Variants in AHDC1 observed in about 807,000 individuals in gnomAD.
The protein encoded by AHDC1 is AT-hook DNA binding motif containing 1.
In AHDC1, 7 loss-of-function variants were observed where a neutral mutation model predicts 87.9. That is an observed-to-expected ratio of 0.08 (90% CI 0.05 to 0.15). AHDC1 has a LOEUF of 0.15. Among genes scored for constraint, AHDC1 ranks in the 10% least tolerant of loss-of-function variants. AHDC1 has a pLI of 1.00. For synonymous variants in AHDC1, 1,051 were observed against 1,006.8 expected (o/e 1.04, Z -0.83); for missense variants, 1,841 against 2,253.2 (o/e 0.82, Z 3.70).
chr1:27,568,526 T>A (rs2020420587), intron 3 of AHDC1, among the ~76,000 whole-genome samples: 1 of 152,044 alleles, frequency 6.6e-6, no homozygotes, highest in African/African-American at 2.4e-5. Context: ...CCCTGCCTTT[T>A]CCTCCACCTC....
At position 27,551,542 on chromosome 1, in the gene AHDC1, G is replaced by A. The variant is rs139975681; in HGVS notation, c.574C>T (p.Arg192Trp). 62 of 1,605,088 alleles carry A rather than the reference G, an allele frequency of 3.9e-5. No homozygotes were observed. The highest frequency in any genetic ancestry group is 6.7e-5 in the African/African-American group (5 of 74,818). ...ERATPHAKSE[R>W]PSHPLYEPEP... is the part of the protein sequence containing the mutation. ...GGCTCGTAGAGGGGATGGCTGGGCC[G>A]CTCCGACTTGGCGTGTGGGGTGGCC... is the stretch of plus-strand genomic sequence containing the variant. Residue 192 changes from arginine (R) to tryptophan (W), a missense_variant, in exon 8 of 9, where the codon CGG becomes TGG. Arg to Trp is a moderately radical substitution (Grantham distance 101). This residue lies in a region of AHDC1 where 370 missense variants were observed against 391.5 expected (regional missense o/e 0.95). Coordinates refer to ENST00000673934, the MANE Select transcript of AHDC1 (RefSeq NM_001371928.1).
At chr1:27,543,672 C>T (rs960601552) in intron 8 of AHDC1, among the ~76,000 whole-genome samples, 1 of 152,086 alleles carries the variant, frequency 6.6e-6, no homozygotes, top group Non-Finnish European at 1.5e-5. Flanking sequence ...GGGGCGGGTG[C>T]GGTGGCTCAC....
At chr1:27,579,566 T>C (rs2088852698) in intron 3 of AHDC1, among the ~76,000 whole-genome samples, 2 of 152,066 alleles carry the variant, frequency 1.3e-5, no homozygotes, top group Non-Finnish European at 2.9e-5. Context: ...GGTTCCAGCC[T>C]GACATGTCAA....
chr1:27,565,430 T>G lies in AHDC1; in HGVS notation c.-628-6547A>C, dbSNP rs946679988. Among the ~76,000 whole-genome samples, 1 of 152,076 alleles carries G rather than the reference T, an allele frequency of 6.6e-6. No homozygotes were observed. The highest frequency in any genetic ancestry group is 2.4e-5 in the African/African-American group (1 of 41,412). ...GAAGGACAGAGGCCACTGCCCAGACTGGGAGGGCGGGCCAGACAGCAGGGG... is the reference window on the plus strand; with the variant it reads ...GAAGGACAGAGGCCACTGCCCAGACGGGGAGGGCGGGCCAGACAGCAGGGG... On this transcript the variant is annotated intron_variant, in intron 3 of 8. Coordinates refer to ENST00000673934, the MANE Select transcript of AHDC1 (RefSeq NM_001371928.1). The surrounding 1 kb of genome is among the most constrained non-coding windows in gnomAD (Gnocchi z 4.6).
chr1:27,547,497 C>A lies in AHDC1; in HGVS notation c.4619G>T (p.Cys1540Phe). ...CAGGGTCAAGTCACTAAGGAGTGGGCAGCCATAGCCAGCAGCGGCTGCAGC... is the reference window on the plus strand; with the variant it reads ...CAGGGTCAAGTCACTAAGGAGTGGGAAGCCATAGCCAGCAGCGGCTGCAGC... ...GPAAAAAGYGCPLLSDLTLSP... is the reference protein window; with the variant it reads ...GPAAAAAGYGFPLLSDLTLSP... Residue 1540 changes from cysteine (C) to phenylalanine (F), a missense_variant, in exon 8 of 9, where the codon TGC (cysteine) becomes TTC (phenylalanine). Transcript: ENST00000673934. The surrounding 1 kb of genome is among the most constrained non-coding windows in gnomAD (Gnocchi z 4.9). 1 of 1,605,940 alleles carries A rather than the reference C, an allele frequency of 6.2e-7. No homozygotes were observed. The highest frequency in any genetic ancestry group is 1.1e-5 in the South Asian group (1 of 90,640).
rs1446120416 is a variant in AHDC1, at chr1:27,550,773, A to G, written c.1343T>C (p.Val448Ala). The G allele has an allele frequency of 6.4e-7, 1 of 1,572,188 alleles. No individual in the cohort carries two copies. Among genetic ancestry groups the G allele is most frequent in the African/African-American group, 1.4e-5 (1 of 73,842 alleles). Residue 448 changes from valine to alanine, a missense_variant, in exon 8 of 9, where the codon GTC becomes GCC. Physicochemically the swap from Val to Ala is moderately conservative, Grantham distance 64. Transcript: ENST00000673934. ...GGAAGATTCCGGCTTCAACTCTGGG[A>G]CTGAGACCGGGCCTGGGCCTGGCAG... Reference protein sequence around the residue: ...PALPGPGPVSVPELKPESSQT... With the variant: ...PALPGPGPVSAPELKPESSQT...
At position 27,549,283 on chromosome 1, in the gene AHDC1, G is replaced by T. The variant is rs781734351; in HGVS notation, c.2833C>A (p.Pro945Thr). The T allele has an allele frequency of 1.2e-6, 2 of 1,603,060 alleles. No individual in the cohort carries two copies. Residue 945 changes from proline (P) to threonine (T), a missense_variant, in exon 8 of 9, where the codon CCC becomes ACC. Transcript: ENST00000673934. ...ASDCRAAETF[P>T]KLVPPPSAMA... ...GCTGAGGGCGGGGGCACCAGCTTGGGGAAGGTCTCGGCTGCCCGGCAGTCT... is the reference window on the plus strand; with the variant it reads ...GCTGAGGGCGGGGGCACCAGCTTGGTGAAGGTCTCGGCTGCCCGGCAGTCT...
Position 27,548,702 on chromosome 1 carries a change from C to T in AHDC1, c.3414G>A (p.Glu1138=), listed in dbSNP as rs1326547047. 2 of 1,613,372 alleles carry T rather than the reference C, an allele frequency of 1.2e-6. No homozygotes were observed. The highest frequency in any genetic ancestry group is 1.7e-5 in the Admixed American group (1 of 60,032). Residue 1138 remains glutamate (E), a synonymous_variant, in exon 8 of 9, where the codon GAG becomes GAA. Coordinates refer to ENST00000673934, the MANE Select transcript of AHDC1 (RefSeq NM_001371928.1). The stretch of plus-strand genomic sequence containing the variant: ...TGGAGATGTCCAGGATCACGTTGGG[C>T]TCGCTGACGTGGCAGTCAAAACTGG... ...YNPSFDCHVS[E]PNVILDISNY...
At chr1:27,559,350 C>T (rs1042023431) in intron 3 of AHDC1, among the ~76,000 whole-genome samples, 1 of 152,204 alleles carries the variant, frequency 6.6e-6, no homozygotes, top group Non-Finnish European at 1.5e-5. Context: ...GCCACTGCAC[C>T]AGCCAAACCT....
intron 3 of AHDC1, among the ~76,000 whole-genome samples, chr1:27,581,165 T>C (rs937151906): frequency 2.6e-5 from 4 of 152,112 alleles, no homozygotes; most frequent in African/African-American, 9.7e-5. Flanking sequence ...GGTCTCGCTC[T>C]GTATCCCAGG....
Position 27,534,382 on chromosome 1 carries a change from T to A in AHDC1, c.*578A>T, listed in dbSNP as rs1312667232. The A allele has an allele frequency of 7.1e-6, 1 of 141,726 alleles. No individual in the cohort carries two copies. 8.8% of individuals were successfully genotyped at this position (141,726 alleles called of 1,614,324 possible). A position where few individuals can be genotyped will look rare whatever the true frequency, so the allele number is the denominator to read the frequency against. Reference sequence around the variant, plus strand: ...CAACAGAAGAGAAAACCCAAAAGAGTGAAAAATAAGAAAGAAAAAAAAAGC... The same window carrying A: ...CAACAGAAGAGAAAACCCAAAAGAGAGAAAAATAAGAAAGAAAAAAAAAGC... On this transcript the variant is annotated 3_prime_UTR_variant, in exon 9 of 9. Transcript: ENST00000673934.
At position 27,565,437 on chromosome 1, in the gene AHDC1, G is replaced by A. The variant is rs2020275910; in HGVS notation, c.-628-6554C>T. ...AGAGGCCACTGCCCAGACTGGGAGG[G>A]CGGGCCAGACAGCAGGGGCTGCCAG... is the stretch of plus-strand genomic sequence containing the variant. On this transcript the variant is annotated intron_variant, in intron 3 of 8. Coordinates refer to ENST00000673934, the MANE Select transcript of AHDC1 (RefSeq NM_001371928.1). The surrounding 1 kb of genome is among the most constrained non-coding windows in gnomAD (Gnocchi z 4.6). Among the ~76,000 whole-genome samples the A allele has an allele frequency of 6.6e-6, 1 of 152,224 alleles. No individual in the cohort carries two copies. The highest frequency in any genetic ancestry group is 1.5e-5 in the Non-Finnish European group (1 of 68,040).
In AHDC1 at chr1:27,549,902, T is replaced by C. The variant is rs199529566; in HGVS notation, c.2214A>G (p.Pro738=). The C allele has an allele frequency of 5.6e-6, 9 of 1,613,680 alleles. No homozygotes were observed. The East Asian group carries it at 2.0e-4, about 36-fold the overall frequency. ...TCTTCCGGGACCGTCTCTTGCGCTT[T>C]GGCTTCCCAGTCACAGCGTCTACCT... is the stretch of plus-strand genomic sequence containing the variant. The part of the protein sequence containing the change: ...RGEVDAVTGK[P]KRKRRSRKNG... The change falls in exon 8 of 9, where the codon CCA becomes CCG. Residue 738 remains proline, a synonymous_variant. Coordinates refer to ENST00000673934, the MANE Select transcript of AHDC1 (RefSeq NM_001371928.1).
chr1:27,539,988 A>C (rs1433206323), intron 8 of AHDC1, among the ~76,000 whole-genome samples: 3 of 148,550 alleles, frequency 2.0e-5, no homozygotes, highest in Non-Finnish European at 3.0e-5. Context: ...TCTCTCCCCC[A>C]CTCTCCACCC....
At chr1:27,541,015 A>C (rs1378099989) in intron 8 of AHDC1, among the ~76,000 whole-genome samples, 22 of 150,510 alleles carry the variant, frequency 1.5e-4, no homozygotes, top group African/African-American at 2.4e-4. Flanking sequence ...AAAAAAAAAA[A>C]AAAAAAAAAA....
intron 3 of AHDC1, among the ~76,000 whole-genome samples, chr1:27,581,557 C>A (rs2088909672): frequency 6.6e-6 from 1 of 152,180 alleles, no homozygotes. Flanking sequence ...CTCTCCCAGG[C>A]CCTACTCCTT....
At chr1:27,584,095 G>A (rs1311517726) in intron 3 of AHDC1, among the ~76,000 whole-genome samples, 2 of 152,218 alleles carry the variant, frequency 1.3e-5, no homozygotes, top group Non-Finnish European at 2.9e-5. Flanking sequence ...CTATGGAGGA[G>A]AGGAGAACTA....
intron 8 of AHDC1, among the ~76,000 whole-genome samples, chr1:27,541,328 A>T (rs2018906723): frequency 6.6e-6 from 1 of 150,938 alleles, no homozygotes; most frequent in African/African-American, 2.5e-5. Flanking sequence ...TTTATTTTTT[A>T]TTTTTTTTGA....
rs2089354730 is a variant in AHDC1 at position 27,595,810 on chromosome 1, GC to G, written c.-629+7586del. ...AGGTTCCTGGTGTCAGGGAGGTGTT[GC>G]AGGTTGTGGGTAAGCATGTGGTGGT... is the stretch of plus-strand genomic sequence containing the variant. On this transcript the variant is annotated intron_variant, in intron 3 of 8. Coordinates refer to ENST00000673934, the MANE Select transcript of AHDC1 (RefSeq NM_001371928.1). This position sits in a 1 kb window ranked among gnomAD's most constrained non-coding sequence, Gnocchi z 4.0. 6.6e-6 allele frequency among the ~76,000 whole-genome samples: 1 copy of G among 151,946 alleles called. No individual in the cohort carries two copies. Among genetic ancestry groups the G allele is most frequent in the South Asian group, 2.1e-4 (1 of 4,814 alleles).
Sources: gnomAD v4.1 joint callset for allele counts (sites outside exome capture counted in the v4.1 genomes callset) on GRCh38, gnomAD v4.1.1 for gene constraint, gnomAD v4.1.1 regional missense constraint, Gnocchi (gnomAD v3.1) non-coding constraint, MANE v1.5 for transcripts, NCBI Gene and HGNC (gene_info 2026-07-23, HGNC 2026-07-21) for gene names.